SYCE2: variants seen among roughly 807,000 people sequenced by gnomAD.
SYCE2 encodes synaptonemal complex central element protein 2.
Under a neutral mutation model 27.9 loss-of-function variants are expected in SYCE2, and 3 were observed. The ratio of observed to expected loss-of-function variants is 0.11; its 90% CI spans 0.05 to 0.28. The LOEUF (loss-of-function observed/expected upper bound fraction) is 0.28. Ranked by LOEUF, SYCE2 falls within the 10% of genes least tolerant of loss-of-function variation. The pLI is 1.00. For synonymous variants in SYCE2, 85 were observed against 100.7 expected (o/e 0.84, Z 0.93); for missense variants, 207 against 263.5 (o/e 0.79, Z 1.48).
At chr19:12,902,045 CTA>C (rs1970850637) in intron 3 of SYCE2, among the ~76,000 whole-genome samples, 1 of 152,044 alleles carries the variant, frequency 6.6e-6, no homozygotes, top group Non-Finnish European at 1.5e-5. Flanking sequence ...TGTACCTTTT[CTA>C]TGTTTATATA....
At chr19:12,918,446 G>A in intron 1 of SYCE2, 109 bp from the exon 2 acceptor site, 1 of 990,104 alleles carries the variant, frequency 1.0e-6, no homozygotes, top group Non-Finnish European at 1.5e-6. Context: ...CTGCGGGACG[G>A]TGGGGACCCG....
At chr19:12,899,704 TC>T in intron 5 of SYCE2, 2 of 1,612,626 alleles carry the variant, frequency 1.2e-6, no homozygotes, top group Non-Finnish European at 1.7e-6. Flanking sequence ...CTGAAGTCGT[TC>T]AGATGTGTTC....
chr19:12,915,626 C>A, intron 2 of SYCE2, among the ~76,000 whole-genome samples: 1 of 149,482 alleles, frequency 6.7e-6, no homozygotes, highest in East Asian at 2.0e-4. Flanking sequence ...AAAAGGTGAA[C>A]CGTATGCTAT....
chr19:12,916,451 G>C (rs981581176), intron 2 of SYCE2, among the ~76,000 whole-genome samples: 2 of 152,100 alleles, frequency 1.3e-5, no homozygotes, highest in Non-Finnish European at 2.9e-5. Context: ...CCCCCTCTGC[G>C]TGGAAGGTTT....
chr19:12,900,507 A>T lies in SYCE2; in HGVS notation c.448T>A (p.Cys150Ser), dbSNP rs371466700. Residue 150 changes from cysteine to serine, a missense_variant, in exon 4 of 6, where the codon TGC becomes AGC. Cys to Ser is a moderately radical substitution (Grantham distance 112, BLOSUM62 -1). Transcript: ENST00000293695. ...TTGTACACAGTCTCCACGCTGTGGC[A>T]GACTTGTTTGAGCTCTGTCTCCAAA... The part of the protein sequence containing the change: ...SHLETELKQV[C>S]HSVETVYKDL... The T allele has an allele frequency of 4.0e-5, 65 of 1,613,980 alleles. 2 individuals carry two copies. Among genetic ancestry groups the T allele is most frequent in the Non-Finnish European group, 1.3e-5 (15 of 1,180,048 alleles).
intron 3 of SYCE2, among the ~76,000 whole-genome samples, chr19:12,903,415 G>A (rs1380668381): frequency 7.8e-5 from 10 of 127,536 alleles, no homozygotes; most frequent in African/African-American, 1.2e-4. Context: ...TTTTTGAGAC[G>A]GAGTCTCACC....
At chr19:12,913,764 A>G (rs1040320683) in intron 2 of SYCE2, among the ~76,000 whole-genome samples, 2 of 152,272 alleles carry the variant, frequency 1.3e-5, no homozygotes, top group East Asian at 1.9e-4. Flanking sequence ...TCTCTTCACT[A>G]CACAGATCCT....
intron 2 of SYCE2, among the ~76,000 whole-genome samples, chr19:12,917,784 T>A (rs1395799323): frequency 6.7e-6 from 1 of 149,992 alleles, no homozygotes; most frequent in Non-Finnish European, 1.5e-5. Context: ...CTCAGCCTCC[T>A]GAGTAGCTGG....
intron 2 of SYCE2, among the ~76,000 whole-genome samples, chr19:12,906,768 C>T (rs1191494564): frequency 6.6e-6 from 1 of 152,022 alleles, no homozygotes; most frequent in Non-Finnish European, 1.5e-5. Flanking sequence ...ATTAGCCAGG[C>T]GCAGTGGCAG....
chr19:12,919,194 CT>C, intron 1 of SYCE2, 48 bp downstream of exon 1: 1 of 1,606,362 alleles, frequency 6.2e-7, no homozygotes, highest in African/African-American at 1.3e-5. Context: ...CGTTCCCTGC[CT>C]ATCTGTCCGC....
At chr19:12,915,393 G>T (rs989893647) in intron 2 of SYCE2, among the ~76,000 whole-genome samples, 1 of 152,088 alleles carries the variant, frequency 6.6e-6, no homozygotes, top group Admixed American at 6.6e-5. Flanking sequence ...GAGGTCAGGA[G>T]ATTGAGACCA....
intron 3 of SYCE2, among the ~76,000 whole-genome samples, chr19:12,903,740 G>T (rs571944196): frequency 6.6e-6 from 1 of 151,876 alleles, no homozygotes; most frequent in Non-Finnish European, 1.5e-5. Flanking sequence ...CTGCAGTGCC[G>T]TGCAGAGCCA....
At chr19:12,899,898 T>G in intron 5 of SYCE2, 106 bp downstream of exon 5, 7 of 1,202,486 alleles carry the variant, frequency 5.8e-6, no homozygotes, top group African/African-American at 1.5e-5. Flanking sequence ...CTCCCTCCCA[T>G]CTGGGGGTAG....
Position 12,904,680 on chromosome 19 carries a change from C to T in SYCE2, c.132-14G>A, listed in dbSNP as rs1318873845. ...TGGCAACTGGCACTGGAGGTGGCGA[C>T]ACAAGGGCAAGAAACCTGACTTCTC... On this transcript the variant is annotated splice_polypyrimidine_tract_variant and intron_variant, in intron 2 of 5. Coordinates refer to ENST00000293695, the MANE Select transcript of SYCE2 (RefSeq NM_001105578.2). 2 of 1,612,758 alleles carry T rather than the reference C, an allele frequency of 1.2e-6. No homozygotes were observed. Among genetic ancestry groups the T allele is most frequent in the East Asian group, 2.2e-5 (1 of 44,860 alleles).
chr19:12,899,787 T>C, intron 5 of SYCE2: 1 of 1,596,872 alleles, frequency 6.3e-7, no homozygotes. Context: ...GCAGACTCCA[T>C]TTACCCTGAA....
chr19:12,900,110 C>T lies in SYCE2; in HGVS notation c.506G>A (p.Arg169Lys). ...AGAGTGGTCTGGCCCCCATCTGAGTCTTAGGCTCTGCTGTAAAAAAGAAAC... is the reference window on the plus strand; with the variant it reads ...AGAGTGGTCTGGCCCCCATCTGAGTTTTAGGCTCTGCTGTAAAAAAGAAAC... ...DLCLQPEQSL[R>K]LRWGPDHSRG... Residue 169 changes from arginine (R) to lysine (K), a missense_variant, in exon 5 of 6, where the codon AGA becomes AAA. Transcript: ENST00000293695. 1 of 1,607,700 alleles carries T rather than the reference C, an allele frequency of 6.2e-7. No homozygotes were observed.
rs1305826243 is a variant in SYCE2, at chr19:12,904,683, A to G, written c.132-17T>C. The G allele has an allele frequency of 1.9e-6, 3 of 1,612,334 alleles. No individual in the cohort carries two copies. Among genetic ancestry groups the G allele is most frequent in the Non-Finnish European group, 2.5e-6 (3 of 1,179,802 alleles). Reference sequence around the variant, plus strand: ...CAACTGGCACTGGAGGTGGCGACACAAGGGCAAGAAACCTGACTTCTCAGA... The same window carrying G: ...CAACTGGCACTGGAGGTGGCGACACGAGGGCAAGAAACCTGACTTCTCAGA... On this transcript the variant is annotated splice_polypyrimidine_tract_variant and intron_variant, in intron 2 of 5. Transcript: ENST00000293695.
In SYCE2 at chr19:12,900,659, A is replaced by G. The variant is rs767942857; in HGVS notation, c.307-11T>C. On this transcript the variant is annotated splice_polypyrimidine_tract_variant and intron_variant, in intron 3 of 5. Coordinates refer to ENST00000293695, the MANE Select transcript of SYCE2 (RefSeq NM_001105578.2). The stretch of plus-strand genomic sequence containing the variant: ...TGTCAGATCCGAAACCTGTTAAACA[A>G]TAAGATGTGTTCTCGGAAAATCAAA... 6 of 1,608,482 alleles carry G rather than the reference A, an allele frequency of 3.7e-6. No individual in the cohort carries two copies. The Admixed American group carries it at 8.4e-5, about 22-fold the overall frequency.
At chr19:12,907,969 G>T (rs771422983) in intron 2 of SYCE2, among the ~76,000 whole-genome samples, 1 of 151,916 alleles carries the variant, frequency 6.6e-6, no homozygotes, top group Non-Finnish European at 1.5e-5. Flanking sequence ...AAAATTAGCC[G>T]AGTGTGGTGG....
Sources: allele counts gnomAD v4.1 joint callset (sites outside exome capture counted in the v4.1 genomes callset), GRCh38; gene constraint gnomAD v4.1.1; transcripts MANE v1.5; gene names NCBI Gene and HGNC (gene_info 2026-07-23, HGNC 2026-07-21).